NWD2: variants seen among roughly 807,000 people sequenced by gnomAD.
The protein encoded by NWD2 is NACHT and WD repeat domain-containing protein 2.
NWD2 carries 37 observed loss-of-function variants against 132.7 expected under a neutral mutation model. The observed-to-expected ratio is 0.28, with a 90% CI of 0.21 to 0.37. The LOEUF (loss-of-function observed/expected upper bound fraction) is 0.37, where lower values mean the gene tolerates loss of function less well. Ranked by LOEUF, NWD2 falls within the 10% of genes least tolerant of loss-of-function variation. The pLI is 1.00. For missense variants in NWD2, 1,592 were observed against 2,122.4 expected (o/e 0.75, Z 4.91); for synonymous variants, 705 against 803.0 (o/e 0.88, Z 2.06).
At position 37,348,675 on chromosome 4, in the gene NWD2, T is replaced by TATATATACACACACAC. The variant is rs1308407988; in HGVS notation, c.241-7690_241-7689insTATATACACACACACA. 2.7e-4 allele frequency among the ~76,000 whole-genome samples: 6 copies of TATATATACACACACAC among 22,570 alleles called. 1 individual carries two copies. Among genetic ancestry groups the TATATATACACACACAC allele is most frequent in the Admixed American group, 8.0e-4 (1 of 1,244 alleles). The allele number at this position is 22,570 out of a possible 152,430, so 14.8% of individuals were successfully genotyped here. The stretch of plus-strand genomic sequence containing the variant: ...ATATATATATATATATATATATATA[T>TATATATACACACACAC]ACACACACACACACACACACACACA... On this transcript the variant is annotated intron_variant, in intron 2 of 6. Coordinates refer to ENST00000309447, the MANE Select transcript of NWD2 (RefSeq NM_001144990.2).
chr4:37,388,558 A>C lies in NWD2; in HGVS notation c.357+32076A>C, dbSNP rs374784639. Among the ~76,000 whole-genome samples the C allele has an allele frequency of 3.4e-4, 51 of 151,594 alleles. No individual in the cohort carries two copies. In the South Asian group the frequency reaches 0.01, roughly 31 times the overall value. ...ACTTCTTTAAGTGAGTTTTACTTCT[A>C]TTGTGGAAAATATATATTTTTATAT... On this transcript the variant is annotated intron_variant, in intron 3 of 6. Transcript: ENST00000309447.
chr4:37,386,267 T>TACAC (rs35363059), intron 3 of NWD2, among the ~76,000 whole-genome samples: 258 of 150,554 alleles, frequency 1.7e-3, no homozygotes, highest in Admixed American at 3.3e-3. Flanking sequence ...TAAACTACAG[T>TACAC]ACACACACAC....
intron 3 of NWD2, 147 bp from the exon 4 acceptor site, chr4:37,430,425 C>T: frequency 7.9e-6 from 5 of 630,550 alleles, no homozygotes; most frequent in Non-Finnish European, 1.4e-5. Context: ...AGGAAATCAA[C>T]TATCCACTGT....
chr4:37,289,869 A>G (rs1718322628), intron 1 of NWD2, among the ~76,000 whole-genome samples: 1 of 149,170 alleles, frequency 6.7e-6, no homozygotes. Context: ...GTTTCAGGCA[A>G]CCAGTTATCA....
Position 37,255,712 on chromosome 4 carries a change from T to C in NWD2, c.151+10494T>C, listed in dbSNP as rs533564020. ...CCAGCCCCTAATCATAAGGGAGGACTGAGGCCCTGGGACAATGTACAAATC... is the reference window on the plus strand; with the variant it reads ...CCAGCCCCTAATCATAAGGGAGGACCGAGGCCCTGGGACAATGTACAAATC... On this transcript the variant is annotated intron_variant, in intron 1 of 6. Coordinates refer to ENST00000309447, the MANE Select transcript of NWD2 (RefSeq NM_001144990.2). Among the ~76,000 whole-genome samples, 3 of 152,248 alleles carry C rather than the reference T, an allele frequency of 2.0e-5. No homozygotes were observed. The South Asian group carries it at 6.2e-4, about 32-fold the overall frequency.
chr4:37,286,113 A>G (rs1718225910), intron 1 of NWD2, among the ~76,000 whole-genome samples: 1 of 152,250 alleles, frequency 6.6e-6, no homozygotes, highest in Non-Finnish European at 1.5e-5. Context: ...TATCACTTAA[A>G]GAGGCATAAT....
At chr4:37,296,653 A>C (rs1718501113) in intron 1 of NWD2, among the ~76,000 whole-genome samples, 1 of 152,124 alleles carries the variant, frequency 6.6e-6, no homozygotes, top group Non-Finnish European at 1.5e-5. Context: ...GTACATAGAC[A>C]TACAGAGTGA....
chr4:37,401,743 T>C (rs1165286655), intron 3 of NWD2, among the ~76,000 whole-genome samples: 1 of 152,220 alleles, frequency 6.6e-6, no homozygotes, highest in East Asian at 1.9e-4. Context: ...ACAAGTATCT[T>C]CTGCACACCT....
At chr4:37,327,270 A>C (rs1372493399) in intron 2 of NWD2, among the ~76,000 whole-genome samples, 1 of 152,146 alleles carries the variant, frequency 6.6e-6, no homozygotes, top group Non-Finnish European at 1.5e-5. Context: ...TCAGTGAGCT[A>C]TAGGACAGCT....
chr4:37,393,315 A>G (rs1184380224), intron 3 of NWD2, among the ~76,000 whole-genome samples: 1 of 152,180 alleles, frequency 6.6e-6, no homozygotes, highest in African/African-American at 2.4e-5. Flanking sequence ...CTCTGTCAGA[A>G]ATTTTACAAC....
At chr4:37,339,953 T>TG (rs1259373951) in intron 2 of NWD2, among the ~76,000 whole-genome samples, 3 of 148,460 alleles carry the variant, frequency 2.0e-5, no homozygotes, top group Admixed American at 2.0e-4. Context: ...TGTTTCTGGT[T>TG]GTTTTTTTTT....
At chr4:37,294,935 A>C (rs1389942282) in intron 1 of NWD2, among the ~76,000 whole-genome samples, 1 of 152,208 alleles carries the variant, frequency 6.6e-6, no homozygotes, top group African/African-American at 2.4e-5. Context: ...TGAGGGCTTC[A>C]ATATTTAAAG....
At chr4:37,407,078 G>A (rs938424891) in intron 3 of NWD2, among the ~76,000 whole-genome samples, 1 of 152,006 alleles carries the variant, frequency 6.6e-6, no homozygotes, top group African/African-American at 2.4e-5. Context: ...CAGGGTGGGG[G>A]GCTAGGGGAA....
intron 1 of NWD2, among the ~76,000 whole-genome samples, chr4:37,248,777 G>A (rs1409785690): frequency 2.0e-5 from 3 of 152,204 alleles, no homozygotes; most frequent in Non-Finnish European, 4.4e-5. Context: ...GGAAGGTACA[G>A]TCTTAACACA....
chr4:37,411,959 A>G (rs1160373937), intron 3 of NWD2, among the ~76,000 whole-genome samples: 2 of 152,210 alleles, frequency 1.3e-5, no homozygotes, highest in Admixed American at 6.5e-5. Context: ...AACTCTCAAT[A>G]AACTAGGTAT....
chr4:37,293,668 T>C (rs1401468546), intron 1 of NWD2, among the ~76,000 whole-genome samples: 2 of 152,204 alleles, frequency 1.3e-5, no homozygotes, highest in African/African-American at 4.8e-5. Context: ...AACCAGATGG[T>C]GGATGGCATT....
At chr4:37,361,866 A>G (rs1407088494) in intron 3 of NWD2, among the ~76,000 whole-genome samples, 1 of 152,188 alleles carries the variant, frequency 6.6e-6, no homozygotes, top group African/African-American at 2.4e-5. Flanking sequence ...CCAAATAGGA[A>G]AAGAAGAAGT....
chr4:37,406,165 G>A (rs528638503), intron 3 of NWD2, among the ~76,000 whole-genome samples: 36 of 152,172 alleles, frequency 2.4e-4, no homozygotes, highest in South Asian at 6.2e-4. Context: ...AAAACAAAAC[G>A]GTAGAAAATG....
Position 37,444,699 on chromosome 4 carries a change from C to T in NWD2, c.2711C>T (p.Thr904Ile), listed in dbSNP as rs2109331433. The T allele has an allele frequency of 6.4e-7, 1 of 1,552,188 alleles. No homozygotes were observed. Reference sequence around the variant, plus strand: ...CTCCGCAGCATCAAAAACAAGGTCACTGCATTTCCCGGCTCCCTTTCAGCA... The same window carrying T: ...CTCCGCAGCATCAAAAACAAGGTCATTGCATTTCCCGGCTCCCTTTCAGCA... ...NTLRSIKNKV[T>I]AFPGSLSAEL... Residue 904 changes from threonine to isoleucine, a missense_variant, in exon 7 of 7, where the codon ACT becomes ATT. Around this residue, in one of 7 missense-constraint regions of NWD2, gnomAD observed 1,071 missense variants for 1,398.0 expected, o/e 0.77. Coordinates refer to ENST00000309447, the MANE Select transcript of NWD2 (RefSeq NM_001144990.2). This position sits in a 1 kb window ranked among gnomAD's most constrained non-coding sequence, Gnocchi z 4.8.
Sources: gnomAD v4.1 joint callset for allele counts (sites outside exome capture counted in the v4.1 genomes callset) on GRCh38, gnomAD v4.1.1 for gene constraint, gnomAD v4.1.1 regional missense constraint, Gnocchi (gnomAD v3.1) non-coding constraint, MANE v1.5 for transcripts, NCBI Gene and HGNC (gene_info 2026-07-23, HGNC 2026-07-21) for gene names.